The following DOCK5 variants were observed in gnomAD, a reference collection of about 807,000 sequenced individuals.
DOCK5 encodes dedicator of cytokinesis 5.
Under a neutral mutation model 251.8 loss-of-function variants are expected in DOCK5, and 142 were observed. The ratio of observed to expected loss-of-function variants is 0.56; its 90% CI spans 0.49 to 0.65. The LOEUF (loss-of-function observed/expected upper bound fraction) is 0.65, where lower values mean the gene tolerates loss of function less well. DOCK5 is among the 30% of genes least tolerant of loss of function. DOCK5 has a pLI of 0.00. For missense variants in DOCK5, 2,111 were observed against 2,312.3 expected, an observed-to-expected ratio of 0.91 and a Z score of 1.79; for synonymous variants, 842 against 835.5, an observed-to-expected ratio of 1.01 and a Z score of -0.13.
rs768511425 is a variant in DOCK5 at position 25,408,064 on chromosome 8, C to T, written c.5175C>T (p.Ser1725=). ...ATCTGTCCCTTAGAGAGGAGAACAG[C>T]GAGAACCGGATCAGCAAGTTTAAGA... is the stretch of plus-strand genomic sequence containing the variant. ...VEDLSLREEN[S]ENRISKFKRK... is the part of the protein sequence containing the mutation. The change falls in exon 49 of 52, where the codon AGC becomes AGT. Residue 1725 remains serine, a synonymous_variant. Coordinates refer to ENST00000276440, the MANE Select transcript of DOCK5 (RefSeq NM_024940.8). The T allele has an allele frequency of 1.1e-5, 17 of 1,608,372 alleles. No homozygotes were observed. The East Asian group carries it at 1.6e-4, about 15-fold the overall frequency.
At chr8:25,324,691 C>T (rs1006045700) in intron 17 of DOCK5, among the ~76,000 whole-genome samples, 2 of 152,104 alleles carry the variant, frequency 1.3e-5, no homozygotes, top group Admixed American at 6.5e-5. Flanking sequence ...ATGTGCACAA[C>T]GTGCAGGTTT....
chr8:25,400,844 C>T, intron 46 of DOCK5, 85 bp from the exon 47 acceptor site: 2 of 1,496,346 alleles, frequency 1.3e-6, no homozygotes, highest in Non-Finnish European at 1.8e-6. Context: ...TTTACCTTTC[C>T]ACCCCATCCC....
rs1182062415 is a variant in DOCK5 at position 25,412,170 on chromosome 8, C to T, written c.*872C>T. The T allele has an allele frequency of 8.1e-6, 1 of 123,906 alleles. No homozygotes were observed. The highest frequency in any genetic ancestry group is 3.1e-5 in the African/African-American group (1 of 32,616). 7.7% of individuals were successfully genotyped at this position (123,906 alleles called of 1,614,324 possible). A position where few individuals can be genotyped will look rare whatever the true frequency, so the allele number is the denominator to read the frequency against. On this transcript the variant is annotated 3_prime_UTR_variant, in exon 52 of 52. Transcript: ENST00000276440. ...CTTACCAGTCTGGATTCAGCAGTTT[C>T]TTTTCTAAAACCCATTTGGGTGACT... is the stretch of plus-strand genomic sequence containing the variant.
intron 1 of DOCK5, among the ~76,000 whole-genome samples, chr8:25,232,855 A>G (rs1046017467): frequency 3.3e-5 from 5 of 152,030 alleles, no homozygotes; most frequent in Middle Eastern, 3.2e-3. Context: ...TCATATTCCA[A>G]GCTTTCTCTA....
chr8:25,358,141 A>G (rs1800611473), intron 27 of DOCK5, among the ~76,000 whole-genome samples: 1 of 152,128 alleles, frequency 6.6e-6, no homozygotes, highest in Non-Finnish European at 1.5e-5. Flanking sequence ...CATACCTGAG[A>G]CTGGGTAGTT....
At chr8:25,373,515 G>A in intron 35 of DOCK5, 103 bp from the exon 36 acceptor site, 2 of 1,119,418 alleles carry the variant, frequency 1.8e-6, no homozygotes, top group Non-Finnish European at 2.6e-6. Context: ...GATCTCTTTG[G>A]AAAAGTGAAA....
At chr8:25,336,740 G>C (rs1269412122) in intron 22 of DOCK5, among the ~76,000 whole-genome samples, 1 of 152,198 alleles carries the variant, frequency 6.6e-6, no homozygotes, top group African/African-American at 2.4e-5. Context: ...TGTTGCCTGA[G>C]ATGAGTGTTT....
At chr8:25,234,732 G>A (rs1378272859) in intron 1 of DOCK5, among the ~76,000 whole-genome samples, 2 of 152,160 alleles carry the variant, frequency 1.3e-5, no homozygotes, top group Non-Finnish European at 2.9e-5. Flanking sequence ...GCAAGAAATG[G>A]TGAATGTATT....
chr8:25,349,894 C>T (rs372464394), intron 26 of DOCK5, among the ~76,000 whole-genome samples: 11 of 152,158 alleles, frequency 7.2e-5, no homozygotes, highest in African/African-American at 2.7e-4. Context: ...AGAAACCACT[C>T]GTACCCCCAA....
intron 1 of DOCK5, among the ~76,000 whole-genome samples, chr8:25,239,794 A>G (rs17053225): frequency 0.1 from 15,146 of 152,206 alleles, 2,105 homozygotes; most frequent in African/African-American, 0.31. Context: ...TCCTGGTTGT[A>G]AATTCATAGC....
At chr8:25,194,505 C>G (rs533633495) in intron 1 of DOCK5, among the ~76,000 whole-genome samples, 4 of 152,212 alleles carry the variant, frequency 2.6e-5, no homozygotes, top group African/African-American at 9.6e-5. Context: ...TTGCCATAGC[C>G]TGGCTGGCTT....
chr8:25,342,642 C>T (rs1805982221), intron 25 of DOCK5, 135 bp downstream of exon 25: 1 of 418,898 alleles, frequency 2.4e-6, no homozygotes, highest in South Asian at 4.7e-5. Context: ...GATGACAGCC[C>T]CATTTCTGCA....
rs542300072 is a variant in DOCK5 at position 25,237,384 on chromosome 8, T to G, written c.44-6290T>G. 2.6e-5 allele frequency among the ~76,000 whole-genome samples: 4 copies of G among 151,996 alleles called. No individual in the cohort carries two copies. The East Asian group carries it at 5.8e-4, about 22-fold the overall frequency. Reference sequence around the variant, plus strand: ...GATCCTGTCTCAAAAAAATAAAAAATAAACATAAAAAAAGAAATATTTATT... The same window carrying G: ...GATCCTGTCTCAAAAAAATAAAAAAGAAACATAAAAAAAGAAATATTTATT... On this transcript the variant is annotated intron_variant, in intron 1 of 51. Transcript: ENST00000276440.
intron 37 of DOCK5, chr8:25,376,442 CTCTG>C (rs1282923848): frequency 1.1e-5 from 10 of 894,400 alleles, no homozygotes; most frequent in African/African-American, 1.8e-5. Context: ...TTACGTGGGT[CTCTG>C]TCTGTTCATG....
At chr8:25,363,362 C>A (rs973646623) in intron 29 of DOCK5, among the ~76,000 whole-genome samples, 1 of 152,170 alleles carries the variant, frequency 6.6e-6, no homozygotes, top group Non-Finnish European at 1.5e-5. Flanking sequence ...TCTCTAGCGT[C>A]GTCTCTTCAG....
At chr8:25,324,290 T>G (rs530595147) in intron 17 of DOCK5, among the ~76,000 whole-genome samples, 3 of 152,194 alleles carry the variant, frequency 2.0e-5, no homozygotes, top group Non-Finnish European at 4.4e-5. Flanking sequence ...GCATGGCACA[T>G]GGACAGGTGC....
intron 26 of DOCK5, among the ~76,000 whole-genome samples, chr8:25,347,088 T>C (rs1800384703): frequency 1.3e-5 from 2 of 152,230 alleles, no homozygotes; most frequent in Non-Finnish European, 2.9e-5. Flanking sequence ...TCTTTATCTT[T>C]CCAGTATCTT....
intron 45 of DOCK5, among the ~76,000 whole-genome samples, chr8:25,397,032 G>A (rs949293889): frequency 3.3e-5 from 5 of 151,922 alleles, no homozygotes; most frequent in South Asian, 2.1e-4. Context: ...CCAGCCTGGC[G>A]AACTTGGCGA....
chr8:25,186,914 T>G (rs920509086), intron 1 of DOCK5, among the ~76,000 whole-genome samples: 1 of 152,042 alleles, frequency 6.6e-6, no homozygotes, highest in Non-Finnish European at 1.5e-5. Context: ...AAGAAAAATA[T>G]TTGGGCCAGG....
Sources: allele counts gnomAD v4.1 joint callset (sites outside exome capture counted in the v4.1 genomes callset), GRCh38; gene constraint gnomAD v4.1.1; transcripts MANE v1.5; gene names NCBI Gene and HGNC (gene_info 2026-07-23, HGNC 2026-07-21).